The following TMEM156 variants were observed in gnomAD, a reference collection of about 807,000 sequenced individuals.
TMEM156 encodes transmembrane protein 156.
A neutral mutation model predicts 30.5 loss-of-function variants in TMEM156; 28 were observed. The observed-to-expected ratio is 0.92, with a 90% CI of 0.68 to 1.26. The LOEUF is 1.26. TMEM156 is among the 50% of genes most tolerant of loss of function. The probability of loss-of-function intolerance (pLI) is 0.00; values close to 1 mark genes in which losing one functional copy is unlikely to be tolerated. For synonymous variants in TMEM156, 137 were observed against 119.9 expected (o/e 1.14, Z -0.93); for missense variants, 351 against 340.6 (o/e 1.03, Z -0.24).
intron 2 of TMEM156, among the ~76,000 whole-genome samples, chr4:38,996,331 G>A (rs1384326123): frequency 6.6e-6 from 1 of 151,442 alleles, no homozygotes; most frequent in East Asian, 1.9e-4. Context: ...GGCCGAGGCG[G>A]GTGGATCACA....
chr4:38,984,356 TG>T (rs1711809652), intron 5 of TMEM156, among the ~76,000 whole-genome samples: 2 of 109,232 alleles, frequency 1.8e-5, no homozygotes, highest in Non-Finnish European at 1.8e-5. Flanking sequence ...TCTCTGTGTG[TG>T]TGTGTGTGTG....
intron 4 of TMEM156, among the ~76,000 whole-genome samples, chr4:38,987,914 T>C (rs1348038965): frequency 6.6e-6 from 1 of 152,210 alleles, no homozygotes; most frequent in East Asian, 1.9e-4. Flanking sequence ...CTACTCATAT[T>C]ATGAATTGTC....
chr4:38,971,108 G>A lies in TMEM156; in HGVS notation c.853C>T (p.Gln285Ter). The A allele has an allele frequency of 1.2e-6, 2 of 1,614,026 alleles. No homozygotes were observed. The highest frequency in any genetic ancestry group is 1.7e-6 in the Non-Finnish European group (2 of 1,179,914). Reference protein sequence around the residue: ...AETTQRLPLDQVQEVLPPIPE... With the variant: ...AETTQRLPLD Reference sequence around the variant, plus strand: ...ATTGGGGGAAGCACTTCCTGGACTTGATCCAAAGGCAGCCTCTGCGTGGTC... The same window carrying A: ...ATTGGGGGAAGCACTTCCTGGACTTAATCCAAAGGCAGCCTCTGCGTGGTC... The change falls in exon 6 of 7, where the codon CAA becomes TAA. Residue 285 changes from glutamine to a stop codon, truncating the protein, a stop_gained. Coordinates refer to ENST00000381938, the MANE Select transcript of TMEM156 (RefSeq NM_024943.3). LOFTEE classifies it high-confidence loss of function.
chr4:38,992,920 C>G (rs1052252874), intron 3 of TMEM156, among the ~76,000 whole-genome samples: 1 of 150,376 alleles, frequency 6.6e-6, no homozygotes, highest in Non-Finnish European at 1.5e-5. Flanking sequence ...TGCCACCACA[C>G]CCAGCTAATT....
chr4:38,984,721 A>G lies in TMEM156; in HGVS notation c.823+1615T>C, dbSNP rs1399786406. On this transcript the variant is annotated intron_variant, in intron 5 of 6. Transcript: ENST00000381938. ...TTTAGGTTAAAGGAATATAAATAAG[A>G]AAGAGTCTGCCTCTTTCTCTCTTTA... Among the ~76,000 whole-genome samples the G allele has an allele frequency of 2.0e-5, 3 of 152,278 alleles. No individual in the cohort carries two copies. The East Asian group carries it at 5.8e-4, about 29-fold the overall frequency.
chr4:39,000,418 A>G (rs1267344284), intron 1 of TMEM156, among the ~76,000 whole-genome samples: 2 of 152,086 alleles, frequency 1.3e-5, no homozygotes, highest in Non-Finnish European at 2.9e-5. Context: ...TTCCAGTGCT[A>G]TATCTGTCAG....
chr4:38,993,159 G>T (rs1008535271), intron 3 of TMEM156, among the ~76,000 whole-genome samples: 1 of 151,968 alleles, frequency 6.6e-6, no homozygotes, highest in African/African-American at 2.4e-5. Context: ...TTATTCTGTG[G>T]TGGCTCATAC....
intron 1 of TMEM156, among the ~76,000 whole-genome samples, chr4:39,029,260 A>T (rs1238369174): frequency 1.3e-5 from 2 of 152,106 alleles, no homozygotes; most frequent in Non-Finnish European, 2.9e-5. Flanking sequence ...TTAGAAATTA[A>T]AGTGAATAGA....
chr4:39,023,853 A>G (rs1011408473), intron 1 of TMEM156, among the ~76,000 whole-genome samples: 64 of 152,056 alleles, frequency 4.2e-4, no homozygotes, highest in African/African-American at 1.5e-3. Flanking sequence ...GACTCCGTTT[A>G]AAAAATAAAA....
At chr4:38,988,643 T>G (rs1020939753) in intron 4 of TMEM156, among the ~76,000 whole-genome samples, 3 of 116,448 alleles carry the variant, frequency 2.6e-5, no homozygotes, top group African/African-American at 8.0e-5. Flanking sequence ...CAGTCTTTCT[T>G]CTTCTCTTAC....
At chr4:38,988,161 T>C (rs1469556890) in intron 4 of TMEM156, among the ~76,000 whole-genome samples, 1 of 152,200 alleles carries the variant, frequency 6.6e-6, no homozygotes, top group Non-Finnish European at 1.5e-5. Context: ...ACCCCCATGC[T>C]TATTAAAGAT....
intron 4 of TMEM156, 64 bp from the exon 5 acceptor site, chr4:38,986,483 C>A: frequency 8.1e-7 from 1 of 1,234,688 alleles, no homozygotes; most frequent in Non-Finnish European, 1.2e-6. Context: ...CATATATTCC[C>A]CATGTTGGTT....
intron 5 of TMEM156, among the ~76,000 whole-genome samples, chr4:38,973,287 T>C (rs1055351771): frequency 6.6e-6 from 1 of 152,188 alleles, no homozygotes. Context: ...AAAGATATTA[T>C]TTTTATTTAT....
chr4:38,969,165 T>C (rs1722481540), intron 6 of TMEM156, among the ~76,000 whole-genome samples: 1 of 152,250 alleles, frequency 6.6e-6, no homozygotes, highest in Non-Finnish European at 1.5e-5. Flanking sequence ...GTATTCCTTC[T>C]ATCTGACTGT....
intron 3 of TMEM156, among the ~76,000 whole-genome samples, chr4:38,992,739 T>TTATATATATA (rs1712604552): frequency 1.9e-5 from 1 of 52,400 alleles, no homozygotes; most frequent in Non-Finnish European, 4.0e-5. Flanking sequence ...ATATATAATA[T>TTATATATATA]ATAATATATT....
intron 5 of TMEM156, among the ~76,000 whole-genome samples, chr4:38,972,956 GAGTTTTGTGTCATGATTAGA>G (rs1171394920): frequency 6.6e-6 from 1 of 152,126 alleles, no homozygotes; most frequent in Non-Finnish European, 1.5e-5. Context: ...TCTCTTCTCT[GAGTTTTGTGTCATGATTAGA>G]AAGACCAATT....
At chr4:39,021,636 T>C (rs1714875329) in intron 1 of TMEM156, among the ~76,000 whole-genome samples, 1 of 152,238 alleles carries the variant, frequency 6.6e-6, no homozygotes, top group South Asian at 2.1e-4. Flanking sequence ...AGAAGATTTT[T>C]AGTTTGATAC....
chr4:39,009,404 A>T (rs1005422368), intron 1 of TMEM156, among the ~76,000 whole-genome samples: 4 of 152,190 alleles, frequency 2.6e-5, no homozygotes, highest in African/African-American at 9.6e-5. Context: ...CTATGAAACC[A>T]GTATCATCCT....
At chr4:39,031,929 A>AT (rs1715546047) in intron 1 of TMEM156, among the ~76,000 whole-genome samples, 1 of 151,772 alleles carries the variant, frequency 6.6e-6, no homozygotes, top group Non-Finnish European at 1.5e-5. Context: ...CTTTGAAGAA[A>AT]GTGTTTCAAA....
Sources: allele counts gnomAD v4.1 joint callset (sites outside exome capture counted in the v4.1 genomes callset), GRCh38; gene constraint gnomAD v4.1.1; transcripts MANE v1.5; gene names NCBI Gene and HGNC (gene_info 2026-07-23, HGNC 2026-07-21).